The following CHD1L variants were observed in gnomAD, a reference collection of about 807,000 sequenced individuals.
The protein encoded by CHD1L is chromodomain helicase DNA binding protein 1 like, also known as ATP-dependent chromatin remodeler CHD1L.
In CHD1L, 118 loss-of-function variants were observed where a neutral mutation model predicts 115.9. The observed-to-expected ratio is 1.02, with a 90% confidence interval of 0.88 to 1.19. The LOEUF is 1.19. Among genes scored for constraint, CHD1L ranks in the 50% most tolerant of loss-of-function variants. The probability of loss-of-function intolerance (pLI) is 0.00; values close to 1 mark genes in which losing one functional copy is unlikely to be tolerated. For missense variants in CHD1L, 1,179 were observed against 1,065.3 expected (o/e 1.11, Z -1.49); for synonymous variants, 411 against 387.1 (o/e 1.06, Z -0.72).
At chr1:147,218,243 A>ATTT in the CHD1L span, among the ~76,000 whole-genome samples, 261 of 150,296 alleles carry the variant, frequency 1.7e-3, no homozygotes, top group South Asian at 4.2e-3. Flanking sequence ...AACATGCAGA[A>ATTT]TTTTTTTTTT....
rs1231736748 is a variant in CHD1L at position 147,259,857 on chromosome 1, T to C, written c.515T>C (p.Val172Ala). 6.8e-6 allele frequency: 11 copies of C among 1,613,922 alleles called. No individual in the cohort carries two copies. The highest frequency in any genetic ancestry group is 1.3e-5 in the African/African-American group (1 of 75,052). The stretch of plus-strand genomic sequence containing the variant: ...CACAGATTCCCTTGGAGTGTTCTTG[T>C]TGTGGATGAAGCTCACAGGTTGAAA... ...FLKSFPWSVLVVDEAHRLKNQ... is the reference protein window; with the variant it reads ...FLKSFPWSVLAVDEAHRLKNQ... Residue 172 changes from valine to alanine, a missense_variant, in exon 6 of 23, where the codon GTT becomes GCT. Val to Ala is a moderately conservative substitution (Grantham distance 64). Coordinates refer to ENST00000369258, the MANE Select transcript of CHD1L (RefSeq NM_004284.6).
At chr1:147,256,370 G>C (rs891538211) in intron 4 of CHD1L, among the ~76,000 whole-genome samples, 161 bp from the exon 5 acceptor site, 1 of 152,138 alleles carries the variant, frequency 6.6e-6, no homozygotes, top group Admixed American at 6.5e-5. Context: ...TTGTTTTTAA[G>C]ATGGCGCTAC....
chr1:147,232,350 A>G, the CHD1L span, among the ~76,000 whole-genome samples: 1 of 152,210 alleles, frequency 6.6e-6, no homozygotes, highest in Admixed American at 6.5e-5. Flanking sequence ...CATGTCTGAC[A>G]TAATGTCCTC....
chr1:147,292,962 C>T (rs1232902068), intron 20 of CHD1L, among the ~76,000 whole-genome samples: 2 of 151,870 alleles, frequency 1.3e-5, no homozygotes, highest in African/African-American at 4.8e-5. Flanking sequence ...TCTGTTGAGT[C>T]ATTCCTTCAG....
In CHD1L at chr1:147,284,328, C is replaced by T. The variant is rs782685476; in HGVS notation, c.1706-23C>T. ...TTTTTCCTTGGTATCTAACATTTCT[C>T]TCTTTGTGTTTTATGTTGTTAGAAA... On this transcript the variant is annotated intron_variant, in intron 15 of 22. Transcript: ENST00000369258. 4.6e-6 allele frequency: 7 copies of T among 1,523,268 alleles called. No individual in the cohort carries two copies. The Admixed American group carries it at 6.4e-5, about 14-fold the overall frequency. 94.4% of individuals were successfully genotyped at this position (1,523,268 alleles called of 1,614,324 possible). A position where few individuals can be genotyped will look rare whatever the true frequency, so the allele number is the denominator to read the frequency against.
At chr1:147,212,289 G>T in the CHD1L span, 1 of 1,186,828 alleles carries the variant, frequency 8.4e-7, no homozygotes, top group Non-Finnish European at 1.2e-6. Flanking sequence ...GCACTGAAGG[G>T]CTATGTGCAG....
chr1:147,264,274 A>C, intron 6 of CHD1L, 148 bp from the exon 7 acceptor site: 1 of 652,356 alleles, frequency 1.5e-6, no homozygotes, highest in Non-Finnish European at 2.6e-6. Flanking sequence ...GCTAGTTTGC[A>C]GCTTCAACCT....
the CHD1L span, among the ~76,000 whole-genome samples, chr1:147,216,304 A>G: frequency 6.6e-6 from 1 of 152,212 alleles, no homozygotes; most frequent in Non-Finnish European, 1.5e-5. Flanking sequence ...CACCACATGA[A>G]GAGAATGTCT....
At chr1:147,215,074 T>C in the CHD1L span, 1 of 152,168 alleles carries the variant, frequency 6.6e-6, no homozygotes, top group Non-Finnish European at 1.5e-5. Context: ...AATTCTTTTA[T>C]GGTCATGATC....
chr1:147,242,551 C>G, upstream of CHD1L: 1 of 791,942 alleles, frequency 1.3e-6, no homozygotes, highest in Non-Finnish European at 1.7e-6. Context: ...GGTGACTGCA[C>G]CAGCTCCGCT....
the CHD1L span, chr1:147,179,180 A>G: frequency 6.2e-7 from 1 of 1,614,134 alleles, no homozygotes; most frequent in Non-Finnish European, 8.5e-7. Flanking sequence ...CTGCAGGATT[A>G]CTTTGATGGC....
chr1:147,193,082 T>G, the CHD1L span, among the ~76,000 whole-genome samples: 23 of 152,200 alleles, frequency 1.5e-4, no homozygotes, highest in African/African-American at 5.3e-4. Flanking sequence ...TCAGAAGGAA[T>G]GGTACCAGCT....
At chr1:147,228,859 T>C in the CHD1L span, among the ~76,000 whole-genome samples, 4 of 152,232 alleles carry the variant, frequency 2.6e-5, no homozygotes, top group African/African-American at 7.2e-5. Context: ...TGGGGTTGTT[T>C]GTTTTTTTCT....
the CHD1L span, among the ~76,000 whole-genome samples, chr1:147,192,416 G>A: frequency 6.6e-6 from 1 of 152,112 alleles, no homozygotes; most frequent in Non-Finnish European, 1.5e-5. Flanking sequence ...TTTGGGCTGA[G>A]ACAATGGGGT....
the CHD1L span, chr1:147,179,483 A>G: frequency 6.3e-7 from 1 of 1,575,762 alleles, no homozygotes; most frequent in South Asian, 1.1e-5. Context: ...ACTTCTCTCC[A>G]GCCAACAAGA....
At position 147,279,553 on chromosome 1, in the gene CHD1L, A is replaced by G. The variant is rs372211356; in HGVS notation, c.1540-473A>G. Among the ~76,000 whole-genome samples the G allele has an allele frequency of 5.9e-5, 9 of 152,312 alleles. No individual in the cohort carries two copies. The South Asian group carries it at 1.7e-3, about 28-fold the overall frequency. ...CGATAGACCACTGTGTTAGGAAAAC[A>G]AATTGCCAAAGAAAAGGAGTCAGTT... On this transcript the variant is annotated intron_variant, in intron 14 of 22. Coordinates refer to ENST00000369258, the MANE Select transcript of CHD1L (RefSeq NM_004284.6).
intron 1 of CHD1L, among the ~76,000 whole-genome samples, chr1:147,250,237 TATTG>T (rs1320708655): frequency 1.3e-5 from 2 of 152,200 alleles, no homozygotes; most frequent in Admixed American, 6.5e-5. Flanking sequence ...TGTTGGCACC[TATTG>T]ATTATCTTTT....
chr1:147,275,215 G>A (rs1173977424), intron 12 of CHD1L, 139 bp from the exon 13 acceptor site: 1 of 684,200 alleles, frequency 1.5e-6, no homozygotes, highest in Non-Finnish European at 2.7e-6. Context: ...GGAGTTAGGG[G>A]TGTGGGTCCA....
intron 18 of CHD1L, among the ~76,000 whole-genome samples, chr1:147,287,321 C>G (rs1286368080): frequency 2.0e-5 from 3 of 152,198 alleles, no homozygotes; most frequent in African/African-American, 4.8e-5. Context: ...TCTACTCACT[C>G]TGTAATGTTC....
Sources: gnomAD v4.1 joint callset for allele counts (sites outside exome capture counted in the v4.1 genomes callset) on GRCh38, gnomAD v4.1.1 for gene constraint, MANE v1.5 for transcripts, NCBI Gene and HGNC (gene_info 2026-07-23, HGNC 2026-07-21) for gene names.